Variants in MLIP observed in about 807,000 individuals in gnomAD.
MLIP encodes muscular LMNA-interacting protein.
Under a neutral mutation model 84.8 loss-of-function variants are expected in MLIP, and 79 were observed. The observed-to-expected ratio is 0.93, with a 90% CI of 0.78 to 1.12. The LOEUF is 1.12. Among genes scored for constraint, MLIP ranks in the 50% most tolerant of loss-of-function variants. The pLI is 0.00. For synonymous variants in MLIP, 504 were observed against 463.0 expected (o/e 1.09, Z -1.14); for missense variants, 1,257 against 1,160.6 (o/e 1.08, Z -1.21).
chr6:54,203,470 T>A (rs936861684), intron 11 of MLIP: 4 of 152,136 alleles, frequency 2.6e-5, no homozygotes, highest in African/African-American at 9.7e-5. Flanking sequence ...AAATATAAAT[T>A]ATAATTACAT....
At chr6:54,252,122 T>C (rs1782631532) in intron 12 of MLIP, among the ~76,000 whole-genome samples, 1 of 99,494 alleles carries the variant, frequency 1.0e-5, no homozygotes, top group African/African-American at 4.7e-5. Flanking sequence ...ATAACTATAT[T>C]ATAACATATA....
At chr6:54,048,472 G>A (rs564979937) in intron 1 of MLIP, among the ~76,000 whole-genome samples, 3 of 152,148 alleles carry the variant, frequency 2.0e-5, no homozygotes, top group Non-Finnish European at 4.4e-5. Flanking sequence ...ATTGGGGGTT[G>A]AGGGGTGTTT....
At chr6:54,215,612 T>C (rs940543564) in intron 11 of MLIP, 8 of 173,226 alleles carry the variant, frequency 4.6e-5, no homozygotes, top group African/African-American at 1.9e-4. Context: ...TGTGTGTATA[T>C]GGGAGAAGAG....
chr6:54,223,230 T>C lies in MLIP; in HGVS notation c.2719-7484T>C, dbSNP rs76418382. ...AATGTTCCCTTTGCTGTAGAGATTTTTTTAAGTTTGTTGCAATCCCACTTA... is the reference window on the plus strand; with the variant it reads ...AATGTTCCCTTTGCTGTAGAGATTTCTTTAAGTTTGTTGCAATCCCACTTA... On this transcript the variant is annotated intron_variant, in intron 11 of 13. Transcript: ENST00000502396. 8.1e-3 allele frequency among the ~76,000 whole-genome samples: 1,231 copies of C among 152,140 alleles called. 18 individuals carry two copies. Among genetic ancestry groups the C allele is most frequent in the African/African-American group, 0.028 (1,153 of 41,514 alleles).
intron 1 of MLIP, among the ~76,000 whole-genome samples, chr6:54,054,271 A>G (rs972982467): frequency 6.6e-6 from 1 of 152,158 alleles, no homozygotes; most frequent in African/African-American, 2.4e-5. Flanking sequence ...CAAGTTCTGC[A>G]GCTATTCTTA....
chr6:54,182,177 G>T (rs1358159402), intron 9 of MLIP, among the ~76,000 whole-genome samples: 1 of 152,142 alleles, frequency 6.6e-6, no homozygotes, highest in East Asian at 1.9e-4. Context: ...TTCCAAGAGA[G>T]TCAACTTCCA....
In MLIP at chr6:54,121,373, C is replaced by A. The variant is rs1770435253; in HGVS notation, c.97-74C>A. The A allele has an allele frequency of 5.5e-6, 8 of 1,456,732 alleles. No individual in the cohort carries two copies. The South Asian group carries it at 8.4e-5, about 15-fold the overall frequency. 90.2% of individuals were successfully genotyped at this position (1,456,732 alleles called of 1,614,324 possible). A position where few individuals can be genotyped will look rare whatever the true frequency, so the allele number is the denominator to read the frequency against. On this transcript the variant is annotated intron_variant, in intron 1 of 13. Transcript: ENST00000502396. Reference sequence around the variant, plus strand: ...TCATCAAAATAAATGAGATAAATATCATGTCATATGGAGAATAAAGGCAAG... The same window carrying A: ...TCATCAAAATAAATGAGATAAATATAATGTCATATGGAGAATAAAGGCAAG...
chr6:54,093,996 C>G (rs1426487245), intron 1 of MLIP, among the ~76,000 whole-genome samples: 1 of 152,052 alleles, frequency 6.6e-6, no homozygotes, highest in African/African-American at 2.4e-5. Flanking sequence ...ATCCAAAGAA[C>G]AGTAGCTGTT....
At chr6:54,261,819 T>G (rs1783412645) in intron 13 of MLIP, 1 of 779,782 alleles carries the variant, frequency 1.3e-6, no homozygotes, top group Admixed American at 6.2e-5. Context: ...CACTCTATTC[T>G]TTTCAGGCAA....
chr6:54,250,889 C>A (rs1387270603), intron 12 of MLIP, among the ~76,000 whole-genome samples: 2 of 151,910 alleles, frequency 1.3e-5, no homozygotes, highest in Non-Finnish European at 2.9e-5. Flanking sequence ...TATTATGAAC[C>A]CTGATAAGAC....
At chr6:54,234,236 G>A (rs1192137454) in intron 12 of MLIP, among the ~76,000 whole-genome samples, 2 of 151,930 alleles carry the variant, frequency 1.3e-5, no homozygotes, top group Non-Finnish European at 2.9e-5. Context: ...GGTGATATTG[G>A]GCAAGTCATT....
At chr6:54,205,897 G>T (rs2150726419) in intron 11 of MLIP, among the ~76,000 whole-genome samples, 1 of 152,230 alleles carries the variant, frequency 6.6e-6, no homozygotes, top group Middle Eastern at 3.4e-3. Context: ...AATTTGTGGT[G>T]CTTTTCAGTT....
chr6:54,087,001 T>C (rs1039892111), intron 1 of MLIP, among the ~76,000 whole-genome samples: 1 of 152,216 alleles, frequency 6.6e-6, no homozygotes, highest in African/African-American at 2.4e-5. Context: ...ATTTTATTTA[T>C]CATCTATCTC....
intron 10 of MLIP, among the ~76,000 whole-genome samples, chr6:54,195,724 G>A (rs779292969): frequency 8.6e-5 from 13 of 151,964 alleles, no homozygotes; most frequent in Non-Finnish European, 1.6e-4. Context: ...ACTGGGCTTC[G>A]GGGAGCCCAT....
chr6:54,247,289 C>A (rs944166732), intron 12 of MLIP, among the ~76,000 whole-genome samples: 1 of 152,048 alleles, frequency 6.6e-6, no homozygotes, highest in Non-Finnish European at 1.5e-5. Flanking sequence ...GGCTTCTTAG[C>A]GATCAGTAAA....
At chr6:54,205,730 A>G (rs1778989218) in intron 11 of MLIP, among the ~76,000 whole-genome samples, 1 of 152,214 alleles carries the variant, frequency 6.6e-6, no homozygotes, top group South Asian at 2.1e-4. Flanking sequence ...CTTTTACATC[A>G]AAGTGGCATA....
intron 5 of MLIP, among the ~76,000 whole-genome samples, chr6:54,152,362 C>A (rs1561988415): frequency 6.6e-6 from 1 of 152,078 alleles, no homozygotes; most frequent in African/African-American, 2.4e-5. Context: ...TTTCACTCTG[C>A]TGATAAAGAT....
chr6:54,222,563 G>A (rs1016499201), intron 11 of MLIP, among the ~76,000 whole-genome samples: 1 of 151,952 alleles, frequency 6.6e-6, no homozygotes, highest in African/African-American at 2.4e-5. Flanking sequence ...GTTGTTTAAG[G>A]CTGATTAATA....
At chr6:54,046,245 G>A (rs1240176676) in intron 1 of MLIP, 3 of 147,900 alleles carry the variant, frequency 2.0e-5, no homozygotes, top group African/African-American at 7.6e-5. Context: ...ACCAATAAAG[G>A]CTATCCTTAA....
Sources: gnomAD v4.1 joint callset for allele counts (sites outside exome capture counted in the v4.1 genomes callset) on GRCh38, gnomAD v4.1.1 for gene constraint, MANE v1.5 for transcripts, NCBI Gene and HGNC (gene_info 2026-07-23, HGNC 2026-07-21) for gene names.